The following OSBP2 variants were observed in gnomAD, a reference collection of about 807,000 sequenced individuals.
OSBP2 encodes the protein oxysterol-binding protein 2.
Under a neutral mutation model 96.0 loss-of-function variants are expected in OSBP2, and 66 were observed. The ratio of observed to expected loss-of-function variants is 0.69; its 90% confidence interval spans 0.56 to 0.84. OSBP2 has a LOEUF of 0.84. Ranked by LOEUF, OSBP2 falls within the 40% of genes least tolerant of loss-of-function variation. The pLI is 0.00. For synonymous variants in OSBP2, 525 were observed against 520.9 expected, an observed-to-expected ratio of 1.01 and a Z score of -0.11; for missense variants, 1,038 against 1,222.7, an observed-to-expected ratio of 0.85 and a Z score of 2.25.
Position 30,893,576 on chromosome 22 carries a change from G to C in OSBP2, c.2094+10G>C. On this transcript the variant is annotated intron_variant, in intron 10 of 13. Coordinates refer to ENST00000332585, the MANE Select transcript of OSBP2 (RefSeq NM_030758.4). ...GCTCTGGATCGACCAGGTCAGGGGC[G>C]CCCTTGGGGAGGGGGTGCATGGCCC... 1 of 1,613,454 alleles carries C rather than the reference G, an allele frequency of 6.2e-7. No individual in the cohort carries two copies. Among genetic ancestry groups the C allele is most frequent in the Non-Finnish European group, 8.5e-7 (1 of 1,179,382 alleles).
chr22:30,848,968 C>T (rs2038924408), intron 2 of OSBP2, among the ~76,000 whole-genome samples: 1 of 152,018 alleles, frequency 6.6e-6, no homozygotes. Context: ...GTATATTTAT[C>T]CTTATAAGAA....
At chr22:30,891,983 A>C (rs1429751034) in intron 8 of OSBP2, among the ~76,000 whole-genome samples, 2 of 151,896 alleles carry the variant, frequency 1.3e-5, no homozygotes, top group Non-Finnish European at 2.9e-5. Flanking sequence ...GAGTGAGGGG[A>C]GGAAAGGAAA....
chr22:30,739,679 G>A (rs541010958), intron 1 of OSBP2, among the ~76,000 whole-genome samples: 1 of 151,994 alleles, frequency 6.6e-6, no homozygotes, highest in African/African-American at 2.4e-5. Flanking sequence ...GGTTCACCTT[G>A]CCTGCTGCCT....
intron 2 of OSBP2, among the ~76,000 whole-genome samples, chr22:30,794,968 T>C (rs1246754799): frequency 6.6e-6 from 1 of 151,096 alleles, no homozygotes; most frequent in African/African-American, 2.4e-5. Flanking sequence ...TGGAGTGCAG[T>C]GGCGCAATCT....
intron 2 of OSBP2, chr22:30,822,384 CGGGA>C (rs1384765196): frequency 4.7e-6 from 3 of 639,072 alleles, no homozygotes; most frequent in Non-Finnish European, 6.8e-6. Context: ...GCTCCTGGGG[CGGGA>C]GGAAGTGGTA....
chr22:30,778,291 C>T (rs2145802242), intron 2 of OSBP2, among the ~76,000 whole-genome samples: 1 of 134,192 alleles, frequency 7.5e-6, no homozygotes, highest in East Asian at 2.1e-4. Flanking sequence ...CTCATACTGC[C>T]CGTGTGCATG....
chr22:30,757,504 G>A (rs1048126960), intron 2 of OSBP2, among the ~76,000 whole-genome samples: 3 of 151,518 alleles, frequency 2.0e-5, no homozygotes, highest in African/African-American at 4.8e-5. Context: ...TGCAACCTCC[G>A]CCTCCCGGGT....
rs1481356079 is a variant in OSBP2, at chr22:30,695,565, C to T, written c.644+12C>T. 1.3e-6 allele frequency: 2 copies of T among 1,596,962 alleles called. No individual in the cohort carries two copies. The highest frequency in any genetic ancestry group is 2.7e-5 in the African/African-American group (2 of 74,716). On this transcript the variant is annotated intron_variant, in intron 1 of 13. Transcript: ENST00000332585. ...CTCTCTTACTACAGGTATGGAAGCG[C>T]CAGGGTGGGACATGGGGGTTGGAGG... is the stretch of plus-strand genomic sequence containing the variant.
At chr22:30,703,655 T>C (rs971452364) in intron 1 of OSBP2, among the ~76,000 whole-genome samples, 4 of 152,062 alleles carry the variant, frequency 2.6e-5, no homozygotes, top group African/African-American at 9.7e-5. Context: ...TTTGTATTTT[T>C]AGTAGAGACG....
chr22:30,822,260 G>A (rs1396495283), intron 2 of OSBP2, among the ~76,000 whole-genome samples: 1 of 152,224 alleles, frequency 6.6e-6, no homozygotes, highest in Non-Finnish European at 1.5e-5. Context: ...GTTGCTGCAG[G>A]GGACAGCACT....
chr22:30,786,243 G>A (rs191783170), intron 2 of OSBP2, among the ~76,000 whole-genome samples: 2 of 152,126 alleles, frequency 1.3e-5, no homozygotes, highest in East Asian at 1.9e-4. Context: ...GGCTGGTCTC[G>A]AACTCCTGAC....
rs1245180986 is a variant in OSBP2, at chr22:30,890,317, G to A, written c.1624-411G>A. 3.3e-5 allele frequency among the ~76,000 whole-genome samples: 5 copies of A among 151,432 alleles called. No individual in the cohort carries two copies. Among genetic ancestry groups the A allele is most frequent in the Admixed American group, 6.6e-5 (1 of 15,186 alleles). ...CCTTGGGCCTAACCCATCCTGTGCCGGGCCCCATCACAGCTCGCAACATGG... is the reference window on the plus strand; with the variant it reads ...CCTTGGGCCTAACCCATCCTGTGCCAGGCCCCATCACAGCTCGCAACATGG... On this transcript the variant is annotated intron_variant, in intron 7 of 13. Transcript: ENST00000332585. The surrounding 1 kb of genome is among the most constrained non-coding windows in gnomAD (Gnocchi z 4.4).
chr22:30,883,863 A>G lies in OSBP2; in HGVS notation c.1108-3563A>G, dbSNP rs114705329. ...CCATCTGGTCTGGCTGCTGGGGCAC[A>G]TTGTCTCTGAGTCTGTTTTCAGGGT... is the stretch of plus-strand genomic sequence containing the variant. On this transcript the variant is annotated intron_variant, in intron 3 of 13. Coordinates refer to ENST00000332585, the MANE Select transcript of OSBP2 (RefSeq NM_030758.4). 2.0e-3 allele frequency among the ~76,000 whole-genome samples: 300 copies of G among 152,236 alleles called. 4 individuals are homozygous for G. The highest frequency in any genetic ancestry group is 6.9e-3 in the African/African-American group (288 of 41,522).
At position 30,825,458 on chromosome 22, in the gene OSBP2, T is replaced by C. The variant is rs552910011; in HGVS notation, c.854-44971T>C. On this transcript the variant is annotated intron_variant, in intron 2 of 13. Transcript: ENST00000332585. Reference sequence around the variant, plus strand: ...GTTGAAATGAGATACTATGCATCTGTGCCTACCAGTCTGTCAATCACCTAT... The same window carrying C: ...GTTGAAATGAGATACTATGCATCTGCGCCTACCAGTCTGTCAATCACCTAT... Among the ~76,000 whole-genome samples the C allele has an allele frequency of 5.9e-5, 9 of 152,220 alleles. No individual in the cohort carries two copies. In the South Asian group the frequency reaches 1.9e-3, roughly 31 times the overall value.
intron 2 of OSBP2, among the ~76,000 whole-genome samples, chr22:30,846,875 G>A (rs2038881988): frequency 6.6e-6 from 1 of 151,884 alleles, no homozygotes; most frequent in East Asian, 1.9e-4. Flanking sequence ...TTGTGTCTTT[G>A]TTCATGCGGT....
upstream of OSBP2, chr22:30,694,802 G>A (rs1390873165): frequency 1.3e-5 from 7 of 559,426 alleles, no homozygotes; most frequent in African/African-American, 4.1e-5. Context: ...AGGAACCCGC[G>A]CGCGCCCCCG....
intron 2 of OSBP2, among the ~76,000 whole-genome samples, chr22:30,800,799 G>C (rs897910782): frequency 4.6e-5 from 7 of 152,166 alleles, no homozygotes; most frequent in African/African-American, 1.7e-4. Flanking sequence ...TTAAAATCTT[G>C]CTGTGTGGCT....
At chr22:30,873,939 G>T (rs1214220415) in intron 3 of OSBP2, among the ~76,000 whole-genome samples, 2 of 152,182 alleles carry the variant, frequency 1.3e-5, no homozygotes, top group African/African-American at 4.8e-5. Flanking sequence ...TCCGGCTTCA[G>T]GAGAAAAGTC....
intron 2 of OSBP2, among the ~76,000 whole-genome samples, chr22:30,750,203 T>C (rs909303343): frequency 9.2e-5 from 14 of 152,210 alleles, no homozygotes; most frequent in Non-Finnish European, 1.9e-4. Context: ...TCACTGTGTC[T>C]CATGGTGCCT....
Sources: allele counts gnomAD v4.1 joint callset (sites outside exome capture counted in the v4.1 genomes callset), GRCh38; gene constraint gnomAD v4.1.1; non-coding constraint Gnocchi (gnomAD v3.1); transcripts MANE v1.5; gene names NCBI Gene and HGNC (gene_info 2026-07-23, HGNC 2026-07-21).